Variants in NELL1 observed in about 807,000 individuals in gnomAD.
The protein encoded by NELL1 is neural EGFL like 1.
Under a neutral mutation model 107.4 loss-of-function variants are expected in NELL1, and 76 were observed. The observed-to-expected ratio is 0.71, with a 90% CI of 0.59 to 0.86. The LOEUF (loss-of-function observed/expected upper bound fraction) is 0.86. Among genes scored for constraint, NELL1 ranks in the 40% least tolerant of loss-of-function variants. The probability of loss-of-function intolerance (pLI) is 0.00; values close to 1 mark genes in which losing one functional copy is unlikely to be tolerated. For synonymous variants in NELL1, 353 were observed against 341.2 expected (o/e 1.03, Z -0.38); for missense variants, 1,024 against 1,005.5 (o/e 1.02, Z -0.25).
At chr11:21,559,686 G>A (rs1467423090) in intron 16 of NELL1, among the ~76,000 whole-genome samples, 1 of 152,052 alleles carries the variant, frequency 6.6e-6, no homozygotes, top group African/African-American at 2.4e-5. Context: ...CAATCTGATT[G>A]TCTCAAGGTT....
chr11:21,273,085 T>A (rs1848774794), intron 14 of NELL1, among the ~76,000 whole-genome samples: 1 of 152,056 alleles, frequency 6.6e-6, no homozygotes, highest in African/African-American at 2.4e-5. Context: ...GAAGAAGGCT[T>A]CAGACGATCA....
intron 14 of NELL1, among the ~76,000 whole-genome samples, chr11:21,263,133 A>G (rs1848566064): frequency 2.6e-5 from 4 of 151,838 alleles, no homozygotes; most frequent in Admixed American, 2.6e-4. Flanking sequence ...ATGGTGAGTA[A>G]TCAAGGGATA....
At chr11:20,883,409 G>T (rs538028007) in intron 4 of NELL1, among the ~76,000 whole-genome samples, 2 of 152,252 alleles carry the variant, frequency 1.3e-5, no homozygotes, top group South Asian at 4.2e-4. Context: ...TTGATTAAGG[G>T]CCTACTCTGC....
At chr11:21,479,210 T>C (rs567335808) in intron 15 of NELL1, among the ~76,000 whole-genome samples, 68 of 148,226 alleles carry the variant, frequency 4.6e-4, no homozygotes, top group Non-Finnish European at 7.2e-4. Context: ...AGGAAGGAAA[T>C]CTGTCCATCA....
At chr11:21,364,772 A>G (rs1851177455) in intron 14 of NELL1, among the ~76,000 whole-genome samples, 1 of 152,192 alleles carries the variant, frequency 6.6e-6, no homozygotes, top group Admixed American at 6.5e-5. Flanking sequence ...TAGGTGGTAA[A>G]TGATTGTGCC....
At chr11:21,207,607 G>C (rs1857416687) in intron 13 of NELL1, among the ~76,000 whole-genome samples, 1 of 152,086 alleles carries the variant, frequency 6.6e-6, no homozygotes, top group African/African-American at 2.4e-5. Flanking sequence ...GCTCTACAAA[G>C]TTTCTTCCTA....
chr11:21,075,739 C>G (rs918816182), intron 12 of NELL1, among the ~76,000 whole-genome samples: 5 of 152,192 alleles, frequency 3.3e-5, no homozygotes, highest in Admixed American at 1.3e-4. Flanking sequence ...GGCCTAAGAT[C>G]AGTCTTTGAC....
chr11:21,338,607 A>G (rs1238714092), intron 14 of NELL1, among the ~76,000 whole-genome samples: 1 of 152,184 alleles, frequency 6.6e-6, no homozygotes, highest in East Asian at 1.9e-4. Flanking sequence ...ATAGGAACAG[A>G]GACACTCTGA....
intron 15 of NELL1, among the ~76,000 whole-genome samples, chr11:21,455,488 C>T (rs1251760561): frequency 2.0e-5 from 3 of 151,586 alleles, no homozygotes; most frequent in South Asian, 2.1e-4. Flanking sequence ...CATGTCACCA[C>T]ACTTGGTTAA....
At chr11:21,123,936 A>C (rs1855429546) in intron 13 of NELL1, among the ~76,000 whole-genome samples, 1 of 152,216 alleles carries the variant, frequency 6.6e-6, no homozygotes, top group African/African-American at 2.4e-5. Flanking sequence ...GATTTAAGCA[A>C]GTATGTATTT....
intron 14 of NELL1, among the ~76,000 whole-genome samples, chr11:21,271,091 C>A (rs543372290): frequency 3.3e-5 from 5 of 151,702 alleles, no homozygotes; most frequent in South Asian, 2.1e-4. Context: ...CCTTAGGAAA[C>A]TAGAAAAAAA....
chr11:21,218,490 G>A (rs1028678455), intron 13 of NELL1, among the ~76,000 whole-genome samples: 11 of 151,944 alleles, frequency 7.2e-5, no homozygotes, highest in Non-Finnish European at 1.3e-4. Context: ...CTTTGTGTTA[G>A]GAAAATTCAA....
intron 2 of NELL1, among the ~76,000 whole-genome samples, chr11:20,714,500 G>T (rs1590227764): frequency 2.1e-5 from 3 of 145,992 alleles, no homozygotes; most frequent in African/African-American, 7.5e-5. Flanking sequence ...GAACCATCAT[G>T]CCTGGCCCTG....
chr11:20,986,517 G>A (rs1466926700), intron 12 of NELL1, among the ~76,000 whole-genome samples: 2 of 152,146 alleles, frequency 1.3e-5, no homozygotes, highest in East Asian at 3.9e-4. Context: ...AGATGCTGGT[G>A]GTTCACAAAT....
intron 2 of NELL1, among the ~76,000 whole-genome samples, chr11:20,725,041 C>T (rs995955056): frequency 6.6e-6 from 1 of 152,168 alleles, no homozygotes; most frequent in Non-Finnish European, 1.5e-5. Flanking sequence ...CTCATAAGAA[C>T]TCACTAAACT....
chr11:21,450,917 G>A (rs1196306546), intron 15 of NELL1, among the ~76,000 whole-genome samples: 3 of 152,012 alleles, frequency 2.0e-5, no homozygotes, highest in Non-Finnish European at 2.9e-5. Context: ...CAGGCCGGGT[G>A]CGGTGGCTCA....
At chr11:21,505,303 A>C (rs57747593) in intron 15 of NELL1, among the ~76,000 whole-genome samples, 1 of 152,162 alleles carries the variant, frequency 6.6e-6, no homozygotes, top group African/African-American at 2.4e-5. Context: ...CTATAAATTT[A>C]TCAAAACTAC....
intron 14 of NELL1, among the ~76,000 whole-genome samples, chr11:21,320,998 C>A (rs1457756994): frequency 6.6e-6 from 1 of 152,184 alleles, no homozygotes; most frequent in Non-Finnish European, 1.5e-5. Flanking sequence ...ACATGTGGGG[C>A]AATCAATACA....
intron 5 of NELL1, among the ~76,000 whole-genome samples, chr11:20,896,129 C>T (rs777427668): frequency 1.3e-5 from 2 of 152,128 alleles, no homozygotes; most frequent in African/African-American, 2.4e-5. Flanking sequence ...TTTTATCCCT[C>T]ACCCTCTCTC....
Sources: allele counts gnomAD v4.1 joint callset (sites outside exome capture counted in the v4.1 genomes callset), GRCh38; gene constraint gnomAD v4.1.1; transcripts MANE v1.5; gene names NCBI Gene and HGNC (gene_info 2026-07-23, HGNC 2026-07-21).